The following PDE8B variants were observed in gnomAD, a reference collection of about 807,000 sequenced individuals.
PDE8B encodes high affinity cAMP-specific and IBMX-insensitive 3',5'-cyclic phosphodiesterase 8B.
PDE8B carries 26 observed loss-of-function variants against 101.3 expected under a neutral mutation model. That is an observed-to-expected ratio of 0.26 (90% confidence interval 0.19 to 0.36). The LOEUF (loss-of-function observed/expected upper bound fraction) is 0.36, where lower values mean the gene tolerates loss of function less well. Among genes scored for constraint, PDE8B ranks in the 10% least tolerant of loss-of-function variants. PDE8B has a pLI of 1.00. For missense variants in PDE8B, 810 were observed against 1,163.1 expected, an observed-to-expected ratio of 0.70 and a Z score of 4.42; for synonymous variants, 424 against 429.3, an observed-to-expected ratio of 0.99 and a Z score of 0.15.
the PDE8B span, among the ~76,000 whole-genome samples, chr5:77,191,286 A>G: frequency 1.3e-5 from 2 of 152,158 alleles, no homozygotes; most frequent in African/African-American, 2.4e-5. Flanking sequence ...AGTCCATAAC[A>G]TGAGGTAAAT....
intron 1 of PDE8B, among the ~76,000 whole-genome samples, chr5:77,216,765 C>T (rs1749835468): frequency 6.6e-6 from 1 of 152,178 alleles, no homozygotes; most frequent in Non-Finnish European, 1.5e-5. Flanking sequence ...ATTGTCCTCC[C>T]TTTCATCAAG....
chr5:77,398,857 T>C (rs1791645944), intron 10 of PDE8B, among the ~76,000 whole-genome samples: 1 of 152,188 alleles, frequency 6.6e-6, no homozygotes, highest in Non-Finnish European at 1.5e-5. Flanking sequence ...CAAGATTTCC[T>C]CCATTTTTTG....
At chr5:77,233,326 G>C (rs1753965467) in intron 1 of PDE8B, among the ~76,000 whole-genome samples, 2 of 152,082 alleles carry the variant, frequency 1.3e-5, no homozygotes, top group Non-Finnish European at 2.9e-5. Flanking sequence ...CTTGCTTTCT[G>C]GGCTAAGCAG....
Position 77,280,220 on chromosome 5 carries a change from A to G in PDE8B, c.340-31774A>G, listed in dbSNP as rs187588512. Among the ~76,000 whole-genome samples, 4 of 152,292 alleles carry G rather than the reference A, an allele frequency of 2.6e-5. No homozygotes were observed. In the East Asian group the frequency reaches 7.7e-4, roughly 29 times the overall value. On this transcript the variant is annotated intron_variant, in intron 1 of 21. Coordinates refer to ENST00000264917, the MANE Select transcript of PDE8B (RefSeq NM_003719.5). ...CAGGGGATTGGGTGCCAACCAGGAC[A>G]CTGAAGAGCTCCCGGAGCCTGTGCA...
the PDE8B span, among the ~76,000 whole-genome samples, chr5:77,101,538 A>T: frequency 6.6e-6 from 1 of 152,070 alleles, no homozygotes; most frequent in Non-Finnish European, 1.5e-5. Context: ...TATGAAAACT[A>T]CTTAGATTGC....
Position 77,312,023 on chromosome 5 carries a change from G to T in PDE8B, c.369G>T (p.Gly123=), listed in dbSNP as rs200712280. The change falls in exon 2 of 22, where the codon GGG becomes GGT. Residue 123 remains glycine, a synonymous_variant. Transcript: ENST00000264917. Reference sequence around the variant, plus strand: ...TGTCTTCTGCGGAGGTGCGCATCGGGCCCATGAGACTGACGCAGGACCCTA... The same window carrying T: ...TGTCTTCTGCGGAGGTGCGCATCGGTCCCATGAGACTGACGCAGGACCCTA... ...KQVSSAEVRI[G]PMRLTQDPIQ... The T allele has an allele frequency of 6.2e-7, 1 of 1,613,400 alleles. No homozygotes were observed. The highest frequency in any genetic ancestry group is 8.5e-7 in the Non-Finnish European group (1 of 1,179,540).
At chr5:77,291,680 A>G (rs777371002) in intron 1 of PDE8B, 33 of 1,595,860 alleles carry the variant, frequency 2.1e-5, no homozygotes, top group Middle Eastern at 3.6e-4. Flanking sequence ...TTGGAGGAGA[A>G]AAGCACACTG....
At chr5:77,139,313 A>G in the PDE8B span, 1 of 152,246 alleles carries the variant, frequency 6.6e-6, no homozygotes, top group Non-Finnish European at 1.5e-5. Context: ...GATGACTACC[A>G]ATGTGTGAGT....
At chr5:77,109,927 G>GTTTTTTTTTTTTTTTTTT in the PDE8B span, among the ~76,000 whole-genome samples, 3 of 67,264 alleles carry the variant, frequency 4.5e-5, 1 homozygote, top group Admixed American at 2.2e-4. Context: ...TTGTATTTCA[G>GTTTTTTTTTTTTTTTTTT]TTTTTTTTTT....
At chr5:77,137,671 A>G in the PDE8B span, among the ~76,000 whole-genome samples, 1 of 152,224 alleles carries the variant, frequency 6.6e-6, no homozygotes, top group Non-Finnish European at 1.5e-5. Context: ...CTACGGAAAC[A>G]TAAAGTCACA....
At chr5:77,337,708 T>C (rs1192302004) in intron 6 of PDE8B, among the ~76,000 whole-genome samples, 1 of 152,262 alleles carries the variant, frequency 6.6e-6, no homozygotes, top group African/African-American at 2.4e-5. Flanking sequence ...TTTATCATGC[T>C]AACCATAAAA....
At chr5:77,260,138 C>G (rs1410449130) in intron 1 of PDE8B, among the ~76,000 whole-genome samples, 1 of 37,118 alleles carries the variant, frequency 2.7e-5, no homozygotes, top group African/African-American at 1.1e-4. Context: ...GCCTGGGCAA[C>G]AAGAGCAAAA....
intron 1 of PDE8B, among the ~76,000 whole-genome samples, chr5:77,293,551 C>A (rs1026880523): frequency 6.6e-6 from 1 of 152,144 alleles, no homozygotes. Flanking sequence ...TGTTAAGGCA[C>A]AGGTTCTGGA....
chr5:77,278,281 G>A (rs937975149), intron 1 of PDE8B, among the ~76,000 whole-genome samples: 4 of 152,164 alleles, frequency 2.6e-5, no homozygotes, highest in African/African-American at 7.2e-5. Flanking sequence ...TGGCTAAAGG[G>A]AATAGGGGAT....
In PDE8B at chr5:77,211,193, A is replaced by AG; in HGVS notation, c.269dup (p.Ser90ArgfsTer54). 1 of 1,558,550 alleles carries AG rather than the reference A, an allele frequency of 6.4e-7. No homozygotes were observed. The highest frequency in any genetic ancestry group is 8.6e-7 in the Non-Finnish European group (1 of 1,160,282). On this transcript the variant is annotated frameshift_variant, in exon 1 of 22. Coordinates refer to ENST00000264917, the MANE Select transcript of PDE8B (RefSeq NM_003719.5). LOFTEE classifies it high-confidence loss of function. This position sits in a 1 kb window ranked among gnomAD's most constrained non-coding sequence, Gnocchi z 4.1. ...TTCCGCAGCCCCCGCCGCGACCACC[A>AG]GCAGGGGCCGGAGGCGCCACTGCTG...
At chr5:77,228,208 C>A (rs1020312216) in intron 1 of PDE8B, among the ~76,000 whole-genome samples, 3 of 152,158 alleles carry the variant, frequency 2.0e-5, no homozygotes, top group Non-Finnish European at 4.4e-5. Context: ...CAGTTCCTTG[C>A]CACACCGTCC....
intron 1 of PDE8B, among the ~76,000 whole-genome samples, chr5:77,275,171 C>A (rs1365638443): frequency 6.6e-6 from 1 of 151,954 alleles, no homozygotes; most frequent in Non-Finnish European, 1.5e-5. Flanking sequence ...CCAGCCTGGA[C>A]AAAATAGTGA....
At chr5:77,423,484 A>T (rs1581634184) in intron 20 of PDE8B, among the ~76,000 whole-genome samples, 1 of 152,276 alleles carries the variant, frequency 6.6e-6, no homozygotes, top group South Asian at 2.1e-4. Context: ...TCTCACCAAC[A>T]GTGTATAAGC....
At chr5:77,160,734 T>G in the PDE8B span, among the ~76,000 whole-genome samples, 1 of 152,166 alleles carries the variant, frequency 6.6e-6, no homozygotes, top group Non-Finnish European at 1.5e-5. Flanking sequence ...CACTGCAGCC[T>G]CAACCTCCTA....
Sources: gnomAD v4.1 joint callset for allele counts (sites outside exome capture counted in the v4.1 genomes callset) on GRCh38, gnomAD v4.1.1 for gene constraint, Gnocchi (gnomAD v3.1) non-coding constraint, MANE v1.5 for transcripts, NCBI Gene and HGNC (gene_info 2026-07-23, HGNC 2026-07-21) for gene names.